Variants in NDST4 observed in about 807,000 individuals in gnomAD.
NDST4 encodes the protein N-deacetylase and N-sulfotransferase 4, also known as N-heparan sulfate sulfotransferase 4.
In NDST4, 63 loss-of-function variants were observed where a neutral mutation model predicts 100.8. That is an observed-to-expected ratio of 0.62 (90% CI 0.51 to 0.77). NDST4 has a LOEUF of 0.77. NDST4 is among the 30% of genes least tolerant of loss of function. The pLI, the probability that NDST4 is intolerant of heterozygous loss-of-function variation, is 0.00. For synonymous variants in NDST4, 377 were observed against 361.8 expected (o/e 1.04, Z -0.48); for missense variants, 943 against 1,018.4 (o/e 0.93, Z 1.01).
At chr4:115,109,469 C>T (rs552800209) in intron 1 of NDST4, among the ~76,000 whole-genome samples, 1 of 151,940 alleles carries the variant, frequency 6.6e-6, no homozygotes, top group South Asian at 2.1e-4. Flanking sequence ...TTGCTTTCTT[C>T]ATTGAACTCT....
chr4:115,103,323 A>G (rs1485942930), intron 1 of NDST4, among the ~76,000 whole-genome samples: 4 of 152,152 alleles, frequency 2.6e-5, no homozygotes, highest in Non-Finnish European at 4.4e-5. Flanking sequence ...GTAATGCCCA[A>G]AGAAGTGAAG....
chr4:114,963,234 A>T (rs1726303010), intron 4 of NDST4, among the ~76,000 whole-genome samples: 1 of 152,172 alleles, frequency 6.6e-6, no homozygotes, highest in African/African-American at 2.4e-5. Flanking sequence ...CCATACAATG[A>T]GACATTATTT....
At chr4:114,853,850 G>T (rs924284935) in intron 7 of NDST4, among the ~76,000 whole-genome samples, 1 of 151,752 alleles carries the variant, frequency 6.6e-6, no homozygotes, top group Non-Finnish European at 1.5e-5. Context: ...TACATAGTGG[G>T]TATATACATT....
intron 6 of NDST4, among the ~76,000 whole-genome samples, chr4:114,884,783 A>T (rs1395012917): frequency 6.6e-6 from 1 of 152,162 alleles, no homozygotes; most frequent in East Asian, 1.9e-4. Flanking sequence ...TAAATGAAGC[A>T]TGTTAGAATA....
At chr4:114,925,594 GAAGTTTATCA>G in intron 6 of NDST4, among the ~76,000 whole-genome samples, 1 of 152,216 alleles carries the variant, frequency 6.6e-6, no homozygotes, top group Admixed American at 6.5e-5. Context: ...AGCACACGGA[GAAGTTTATCA>G]TTGCAGTTCC....
chr4:115,015,725 C>G (rs1369920550), intron 2 of NDST4, among the ~76,000 whole-genome samples: 2 of 152,038 alleles, frequency 1.3e-5, no homozygotes, highest in Non-Finnish European at 2.9e-5. Context: ...CTACTGCTGT[C>G]ACTGTCCAAT....
intron 2 of NDST4, among the ~76,000 whole-genome samples, chr4:115,066,316 T>C (rs1728946934): frequency 1.3e-5 from 2 of 152,220 alleles, no homozygotes; most frequent in Admixed American, 6.5e-5. Context: ...TAACCCTATT[T>C]GCTTCCATAA....
chr4:114,889,875 A>G (rs1023933461), intron 6 of NDST4, among the ~76,000 whole-genome samples: 4 of 152,186 alleles, frequency 2.6e-5, no homozygotes, highest in African/African-American at 9.7e-5. Context: ...AAAATGATAC[A>G]GTCATAACTC....
intron 8 of NDST4, 21 bp from the exon 9 acceptor site, chr4:114,848,359 A>G: frequency 6.5e-7 from 1 of 1,540,750 alleles, no homozygotes; most frequent in Non-Finnish European, 8.8e-7. Flanking sequence ...AAAAGAAAGT[A>G]AAAGGTTATA....
intron 8 of NDST4, 75 bp downstream of exon 8, chr4:114,852,650 G>C: frequency 1.3e-6 from 1 of 779,800 alleles, no homozygotes; most frequent in Non-Finnish European, 2.0e-6. Flanking sequence ...AATCTAATCT[G>C]ATAAATCCAT....
intron 7 of NDST4, among the ~76,000 whole-genome samples, chr4:114,865,619 C>T (rs528216866): frequency 6.6e-6 from 1 of 152,240 alleles, no homozygotes; most frequent in South Asian, 2.1e-4. Flanking sequence ...ATTAAATGCT[C>T]AAATATATTT....
At chr4:115,080,363 C>T (rs1729275759) in intron 1 of NDST4, among the ~76,000 whole-genome samples, 2 of 152,114 alleles carry the variant, frequency 1.3e-5, no homozygotes, top group Admixed American at 6.6e-5. Context: ...TCTCAAACTC[C>T]TGACCTCAGG....
chr4:115,029,377 C>T (rs1728058030), intron 2 of NDST4, among the ~76,000 whole-genome samples: 1 of 152,038 alleles, frequency 6.6e-6, no homozygotes, highest in African/African-American at 2.4e-5. Context: ...TGGTTTTAAA[C>T]AGCAAAAGGG....
At chr4:114,899,709 T>C (rs1035213092) in intron 6 of NDST4, among the ~76,000 whole-genome samples, 3 of 152,200 alleles carry the variant, frequency 2.0e-5, no homozygotes, top group Non-Finnish European at 2.9e-5. Flanking sequence ...CATGGTCTTT[T>C]TATACATTGT....
chr4:114,922,491 A>G (rs1343677015), intron 6 of NDST4, among the ~76,000 whole-genome samples: 1 of 152,180 alleles, frequency 6.6e-6, no homozygotes, highest in Admixed American at 6.5e-5. Flanking sequence ...TCAAAGGTCA[A>G]ACTGTGCACT....
At chr4:114,911,472 T>A (rs1337745266) in intron 6 of NDST4, among the ~76,000 whole-genome samples, 1 of 152,140 alleles carries the variant, frequency 6.6e-6, no homozygotes, top group Admixed American at 6.5e-5. Flanking sequence ...TAACTCTATT[T>A]CTTTATTTTT....
intron 2 of NDST4, among the ~76,000 whole-genome samples, chr4:115,030,709 G>A (rs1728096477): frequency 1.3e-5 from 2 of 152,004 alleles, no homozygotes; most frequent in Non-Finnish European, 2.9e-5. Flanking sequence ...AGAGAGATAG[G>A]AAAAACAAAT....
intron 4 of NDST4, among the ~76,000 whole-genome samples, chr4:114,951,856 T>C (rs1462248578): frequency 6.6e-6 from 1 of 152,112 alleles, no homozygotes; most frequent in Non-Finnish European, 1.5e-5. Context: ...TAGCTAAAAT[T>C]TTGTTTTCTT....
Position 115,008,084 on chromosome 4 carries a change from G to A in NDST4, c.979-30810C>T. On this transcript the variant is annotated intron_variant, in intron 2 of 13. Coordinates refer to ENST00000264363, the MANE Select transcript of NDST4 (RefSeq NM_022569.3). Reference sequence around the variant, plus strand: ...TCTCTGAGGTTTCTAATCCACAACAGAATTTCTGAGCTGACCACAAGAATA... The same window carrying A: ...TCTCTGAGGTTTCTAATCCACAACAAAATTTCTGAGCTGACCACAAGAATA... 3.1e-5 allele frequency among the ~76,000 whole-genome samples: 4 copies of A among 130,062 alleles called. 2 individuals are homozygous for A. The allele number at this position is 130,062 out of a possible 152,430, so 85.3% of individuals were successfully genotyped here.
Sources: allele counts gnomAD v4.1 joint callset (sites outside exome capture counted in the v4.1 genomes callset), GRCh38; gene constraint gnomAD v4.1.1; transcripts MANE v1.5; gene names NCBI Gene and HGNC (gene_info 2026-07-23, HGNC 2026-07-21).